IMPG2: variants seen among roughly 807,000 people sequenced by gnomAD.
IMPG2 encodes the protein IPM 200.
In IMPG2, 91 loss-of-function variants were observed where a neutral mutation model predicts 129.2. The observed-to-expected ratio is 0.70, with a 90% CI of 0.59 to 0.84. The LOEUF is 0.84. Ranked by LOEUF, IMPG2 falls within the 40% of genes least tolerant of loss-of-function variation. IMPG2 has a pLI of 0.00. For missense variants in IMPG2, 1,430 were observed against 1,461.7 expected (o/e 0.98, Z 0.35); for synonymous variants, 510 against 517.7 (o/e 0.99, Z 0.20).
chr3:101,256,220 A>AGAAAGAAAG (rs1553682270), intron 10 of IMPG2, among the ~76,000 whole-genome samples: 1 of 150,402 alleles, frequency 6.6e-6, no homozygotes, highest in African/African-American at 2.5e-5. Context: ...AAAGAAAGAA[A>AGAAAGAAAG]AAAATATCTT....
rs770369294 is a variant in IMPG2, at chr3:101,257,672, C to T, written c.1010G>A (p.Gly337Asp). The T allele has an allele frequency of 4.3e-6, 7 of 1,613,276 alleles. No homozygotes were observed. Among genetic ancestry groups the T allele is most frequent in the Non-Finnish European group, 5.9e-6 (7 of 1,179,580 alleles). ...SLHSNKVENH[G>D]LVELDDKPTV... is the part of the protein sequence containing the mutation. Reference sequence around the variant, plus strand: ...GGGTTTATCATCCAGTTCCACAAGGCCATGGTTTTCCACCTTGTTGGAGTG... The same window carrying T: ...GGGTTTATCATCCAGTTCCACAAGGTCATGGTTTTCCACCTTGTTGGAGTG... Residue 337 changes from glycine (G) to aspartate (D), a missense_variant, in exon 10 of 19, where the codon GGC (glycine) becomes GAC (aspartate). Physicochemically the swap from Gly to Asp is moderately conservative, Grantham distance 94. Coordinates refer to ENST00000193391, the MANE Select transcript of IMPG2 (RefSeq NM_016247.4).
rs914218686 is a variant in IMPG2, at chr3:101,222,720, A to C, written c.*4249T>G. 10 of 152,212 alleles carry C rather than the reference A, an allele frequency of 6.6e-5. No individual in the cohort carries two copies. The highest frequency in any genetic ancestry group is 2.2e-4 in the African/African-American group (9 of 41,470). 9.4% of individuals were successfully genotyped at this position (152,212 alleles called of 1,614,324 possible). ...TGAATTTATTTGATTCAAACCCTGG[A>C]TAAAATGTCATTATAAACAAGGTGA... On this transcript the variant is annotated 3_prime_UTR_variant, in exon 19 of 19. Coordinates refer to ENST00000193391, the MANE Select transcript of IMPG2 (RefSeq NM_016247.4).
At position 101,267,963 on chromosome 3, in the gene IMPG2, C is replaced by T. The variant is rs188628451; in HGVS notation, c.888-432G>A. 2.1e-3 allele frequency among the ~76,000 whole-genome samples: 314 copies of T among 152,242 alleles called. 1 individual carries two copies. Among genetic ancestry groups the T allele is most frequent in the African/African-American group, 7.3e-3 (305 of 41,542 alleles). On this transcript the variant is annotated intron_variant, in intron 8 of 18. Coordinates refer to ENST00000193391, the MANE Select transcript of IMPG2 (RefSeq NM_016247.4). Reference sequence around the variant, plus strand: ...GGACTGACTAATCCACAGTATACTGCATAACCTTTAATATTTATTATTTTA... The same window carrying T: ...GGACTGACTAATCCACAGTATACTGTATAACCTTTAATATTTATTATTTTA...
chr3:101,243,384 C>T (rs950487651), intron 13 of IMPG2, 145 bp downstream of exon 13: 6 of 753,454 alleles, frequency 8.0e-6, no homozygotes, highest in African/African-American at 3.5e-5. Flanking sequence ...CAACCCTAGG[C>T]CATGATACTA....
intron 9 of IMPG2, among the ~76,000 whole-genome samples, chr3:101,258,951 G>A (rs572714181): frequency 2.6e-5 from 4 of 152,162 alleles, no homozygotes; most frequent in South Asian, 2.1e-4. Flanking sequence ...AGATATTTTA[G>A]CTTCAGAATA....
chr3:101,320,296 G>GA lies in IMPG2; in HGVS notation c.76dup (p.Ser26PhefsTer26). 1 of 1,549,854 alleles carries GA rather than the reference G, an allele frequency of 6.5e-7. No homozygotes were observed. The highest frequency in any genetic ancestry group is 1.4e-5 in the African/African-American group (1 of 73,544). On this transcript the variant is annotated frameshift_variant, in exon 1 of 19. Transcript: ENST00000193391. LOFTEE classifies it high-confidence loss of function. ...TGTAGATTTTTAAATACCTGTTAAT[G>GA]ATGGAAAGTCTCCTTCTATCAGGAC...
intron 3 of IMPG2, among the ~76,000 whole-genome samples, chr3:101,297,675 G>A (rs1707094911): frequency 6.6e-6 from 1 of 152,216 alleles, no homozygotes; most frequent in Non-Finnish European, 1.5e-5. Context: ...TCATTCAGGA[G>A]CAGGTTGTTC....
intron 9 of IMPG2, 80 bp downstream of exon 9, chr3:101,267,431 C>T (rs1227513235): frequency 2.6e-6 from 3 of 1,166,280 alleles, no homozygotes; most frequent in African/African-American, 3.0e-5. Flanking sequence ...TTGAGTTATG[C>T]TCCCCTGGAC....
intron 4 of IMPG2, among the ~76,000 whole-genome samples, chr3:101,278,063 C>T (rs771923646): frequency 2.6e-4 from 40 of 152,036 alleles, no homozygotes; most frequent in Non-Finnish European, 4.6e-4. Flanking sequence ...GGTGAAACCC[C>T]GTCTCTACTA....
intron 18 of IMPG2, chr3:101,227,896 G>A (rs969200071): frequency 4.8e-5 from 22 of 456,074 alleles, no homozygotes; most frequent in African/African-American, 4.4e-4. Flanking sequence ...TAAAGGGGCA[G>A]GTGTTCCACT....
chr3:101,303,773 G>C (rs1707161875), intron 3 of IMPG2, among the ~76,000 whole-genome samples: 1 of 152,140 alleles, frequency 6.6e-6, no homozygotes. Flanking sequence ...TATTCACTCT[G>C]AGTTGATAAC....
chr3:101,305,086 G>A (rs1451264821), intron 2 of IMPG2, among the ~76,000 whole-genome samples: 4 of 152,050 alleles, frequency 2.6e-5, no homozygotes, highest in Admixed American at 1.3e-4. Flanking sequence ...CCAAAACTTG[G>A]GGGTGATGAA....
intron 6 of IMPG2, among the ~76,000 whole-genome samples, chr3:101,274,926 G>A (rs998162569): frequency 6.6e-6 from 1 of 152,136 alleles, no homozygotes; most frequent in Non-Finnish European, 1.5e-5. Context: ...TTCAGTGACA[G>A]GGAGGGTGAT....
At chr3:101,319,934 G>A in intron 1 of IMPG2, 102 bp from the exon 2 acceptor site, 1 of 1,240,904 alleles carries the variant, frequency 8.1e-7, no homozygotes, top group Non-Finnish European at 1.2e-6. Context: ...AGATAGAGAA[G>A]CCAGTGCCCA....
rs746407472 is a variant in IMPG2, at chr3:101,319,607, T to C, written c.311A>G (p.His104Arg). The C allele has an allele frequency of 2.2e-5, 35 of 1,613,674 alleles. No individual in the cohort carries two copies. Among genetic ancestry groups the C allele is most frequent in the Non-Finnish European group, 2.2e-5 (26 of 1,179,758 alleles). ...ACCTCGGACTTTAAAATACTTCACA[T>C]GATTTGCCACAGCCTCTGCAACACT... Reference protein sequence around the residue: ...DESVAEAVANHVKYFKVRVCQ... With the variant: ...DESVAEAVANRVKYFKVRVCQ... The change falls in exon 2 of 19, where the codon CAT becomes CGT. Residue 104 changes from histidine (H) to arginine (R), a missense_variant. Physicochemically the swap from His to Arg is conservative, Grantham distance 29. Coordinates refer to ENST00000193391, the MANE Select transcript of IMPG2 (RefSeq NM_016247.4).
At chr3:101,234,961 T>C (rs1706330070) in intron 14 of IMPG2, among the ~76,000 whole-genome samples, 1 of 152,246 alleles carries the variant, frequency 6.6e-6, no homozygotes, top group African/African-American at 2.4e-5. Flanking sequence ...TTTGGAATAT[T>C]TGCCTTTACA....
intron 14 of IMPG2, among the ~76,000 whole-genome samples, chr3:101,234,449 T>G (rs994250918): frequency 1.2e-4 from 18 of 152,152 alleles, no homozygotes; most frequent in Non-Finnish European, 1.3e-4. Flanking sequence ...TGTGGGAGAA[T>G]AAATTCCTGT....
At chr3:101,266,021 G>A (rs1327459896) in intron 9 of IMPG2, among the ~76,000 whole-genome samples, 1 of 152,060 alleles carries the variant, frequency 6.6e-6, no homozygotes, top group African/African-American at 2.4e-5. Flanking sequence ...TGCCAGTTAG[G>A]ATAGCTATTA....
At chr3:101,241,607 T>C (rs1441188465) in intron 14 of IMPG2, among the ~76,000 whole-genome samples, 3 of 152,072 alleles carry the variant, frequency 2.0e-5, no homozygotes, top group Non-Finnish European at 4.4e-5. Context: ...ATCATGGTGA[T>C]TTGGATGGAG....
Sources: gnomAD v4.1 joint callset for allele counts (sites outside exome capture counted in the v4.1 genomes callset) on GRCh38, gnomAD v4.1.1 for gene constraint, MANE v1.5 for transcripts, NCBI Gene and HGNC (gene_info 2026-07-23, HGNC 2026-07-21) for gene names.